FBXL13: variants seen among roughly 807,000 people sequenced by gnomAD.
FBXL13 encodes the protein F-box and leucine rich repeat protein 13.
Under a neutral mutation model 83.6 loss-of-function variants are expected in FBXL13, and 67 were observed. The observed-to-expected ratio is 0.80, with a 90% CI of 0.66 to 0.98. FBXL13 has a LOEUF of 0.98. Among genes scored for constraint, FBXL13 ranks in the 50% least tolerant of loss-of-function variants. The probability of loss-of-function intolerance (pLI) is 0.00; values close to 1 mark genes in which losing one functional copy is unlikely to be tolerated. For missense variants in FBXL13, 822 were observed against 866.5 expected (o/e 0.95, Z 0.64); for synonymous variants, 272 against 299.5 (o/e 0.91, Z 0.95).
At chr7:103,072,803 C>T (rs565418378) in intron 1 of FBXL13, among the ~76,000 whole-genome samples, 1 of 152,308 alleles carries the variant, frequency 6.6e-6, no homozygotes, top group South Asian at 2.1e-4. Context: ...GTATGATATC[C>T]TTTTCTCATT....
intron 11 of FBXL13, among the ~76,000 whole-genome samples, chr7:102,912,675 C>T (rs3735214): frequency 2.3e-5 from 3 of 130,422 alleles, no homozygotes; most frequent in East Asian, 5.1e-4. Context: ...CATTTTACCC[C>T]CCCCCCCCCA....
chr7:103,060,514 C>G (rs1797802724), intron 1 of FBXL13, among the ~76,000 whole-genome samples: 1 of 152,104 alleles, frequency 6.6e-6, no homozygotes, highest in Non-Finnish European at 1.5e-5. Context: ...TTAAACCACA[C>G]CTAATAGAAG....
chr7:102,962,889 G>A (rs1251866548), intron 8 of FBXL13, among the ~76,000 whole-genome samples: 3 of 150,740 alleles, frequency 2.0e-5, no homozygotes, highest in Non-Finnish European at 4.4e-5. Flanking sequence ...GCTAGATGAC[G>A]AGTTAGTGGG....
intron 11 of FBXL13, among the ~76,000 whole-genome samples, chr7:102,893,767 CAAA>C (rs1300370815): frequency 4.2e-5 from 2 of 47,954 alleles, no homozygotes; most frequent in Admixed American, 2.3e-4. Flanking sequence ...GACTCTGTCT[CAAA>C]AAAAAAAAAA....
chr7:103,057,822 G>T (rs1337517610), intron 1 of FBXL13, among the ~76,000 whole-genome samples: 1 of 152,160 alleles, frequency 6.6e-6, no homozygotes, highest in Non-Finnish European at 1.5e-5. Flanking sequence ...ACTTCCCACA[G>T]AAACCACCTG....
In FBXL13 at chr7:102,939,578, C is replaced by T. The variant is rs775367068; in HGVS notation, c.725-7645G>A. The T allele has an allele frequency of 3.7e-6, 6 of 1,612,664 alleles. No individual in the cohort carries two copies. The African/African-American group carries it at 5.3e-5, about 14-fold the overall frequency. On this transcript the variant is annotated intron_variant, in intron 8 of 19. Transcript: ENST00000313221. ...TCAGCAGCAATGGCATTGAATTCAT[C>T]GATCCTGGTAAGTTCCCCTGTATAG...
At chr7:102,971,594 C>CAAAA (rs11447254) in intron 6 of FBXL13, among the ~76,000 whole-genome samples, 1 of 115,056 alleles carries the variant, frequency 8.7e-6, no homozygotes. Flanking sequence ...AACTCCGTCT[C>CAAAA]AAAAAAAAAA....
intron 6 of FBXL13, among the ~76,000 whole-genome samples, chr7:103,010,236 A>G (rs1376717611): frequency 6.6e-6 from 1 of 151,972 alleles, no homozygotes. Context: ...TGCCTGCTAG[A>G]GCTTTCAGCC....
At chr7:102,872,439 A>G (rs1808647157) in intron 16 of FBXL13, among the ~76,000 whole-genome samples, 1 of 152,210 alleles carries the variant, frequency 6.6e-6, no homozygotes, top group African/African-American at 2.4e-5. Context: ...GGCGCTCAAG[A>G]TCTTGTACTC....
At chr7:102,907,004 G>A (rs977746685) in intron 11 of FBXL13, among the ~76,000 whole-genome samples, 3 of 151,564 alleles carry the variant, frequency 2.0e-5, no homozygotes, top group Admixed American at 6.6e-5. Flanking sequence ...ACTGAGTCTC[G>A]CTCTGTTGCC....
chr7:102,859,176 C>T (rs1806457132), intron 16 of FBXL13, among the ~76,000 whole-genome samples: 2 of 152,102 alleles, frequency 1.3e-5, no homozygotes, highest in Admixed American at 6.5e-5. Flanking sequence ...AGTAGCAAAA[C>T]GGGGAGCAAG....
At position 102,884,318 on chromosome 7, in the gene FBXL13, T is replaced by A; in HGVS notation, c.1009-6A>T. On this transcript the variant is annotated splice_region_variant and splice_polypyrimidine_tract_variant and intron_variant, in intron 11 of 19. Transcript: ENST00000313221. ...CTGAAGCCTTGGACTGAAATCTGAA[T>A]TGTACAGAGTAGAAAATAATGGGAG... 1 of 1,607,282 alleles carries A rather than the reference T, an allele frequency of 6.2e-7. No homozygotes were observed. Among genetic ancestry groups the A allele is most frequent in the South Asian group, 1.1e-5 (1 of 90,864 alleles).
chr7:102,963,569 C>T (rs1164659740), exon 8 of FBXL13: 16 of 1,612,440 alleles, frequency 9.9e-6, no homozygotes, highest in Non-Finnish European at 1.4e-5. Flanking sequence ...AGAAGACAAC[C>T]ACGAAAATTC....
At chr7:102,922,291 T>A (rs1406670200) in intron 10 of FBXL13, among the ~76,000 whole-genome samples, 1 of 152,042 alleles carries the variant, frequency 6.6e-6, no homozygotes, top group African/African-American at 2.4e-5. Flanking sequence ...ACAATACTTA[T>A]CAAGTTATAC....
rs1337788893 is a variant in FBXL13 at position 102,964,585 on chromosome 7, T to A, written c.592-920A>T. Among the ~76,000 whole-genome samples the A allele has an allele frequency of 2.6e-5, 4 of 151,824 alleles. No homozygotes were observed. The East Asian group carries it at 7.9e-4, about 30-fold the overall frequency. On this transcript the variant is annotated intron_variant, in intron 7 of 19. Coordinates refer to ENST00000313221, the Ensembl canonical transcript of FBXL13. The stretch of plus-strand genomic sequence containing the variant: ...GCCCGGCTAATTTTTGTATTTTTAG[T>A]AGAGACGAGGTTTCACCATTTTGGC...
intron 1 of FBXL13, among the ~76,000 whole-genome samples, chr7:103,066,485 G>A (rs574176869): frequency 5.9e-5 from 9 of 151,694 alleles, no homozygotes; most frequent in African/African-American, 1.9e-4. Context: ...TCTGCCTCCC[G>A]GGTTCACACC....
intron 18 of FBXL13, among the ~76,000 whole-genome samples, chr7:102,824,490 T>C (rs1799270474): frequency 6.6e-6 from 1 of 152,120 alleles, no homozygotes. Context: ...TTTTGCATCC[T>C]CTTTTTTTCT....
intron 18 of FBXL13, among the ~76,000 whole-genome samples, chr7:102,824,176 C>A (rs1799223803): frequency 6.6e-6 from 1 of 152,202 alleles, no homozygotes; most frequent in African/African-American, 2.4e-5. Context: ...ATGGAAACAA[C>A]TTTGCTGCAT....
intron 11 of FBXL13, among the ~76,000 whole-genome samples, chr7:102,896,837 G>C (rs1465449188): frequency 6.6e-6 from 1 of 152,084 alleles, no homozygotes; most frequent in Non-Finnish European, 1.5e-5. Flanking sequence ...CATATTCTGA[G>C]GTACTATTGG....
Sources: allele counts gnomAD v4.1 joint callset (sites outside exome capture counted in the v4.1 genomes callset), GRCh38; gene constraint gnomAD v4.1.1; transcripts MANE v1.5; gene names NCBI Gene and HGNC (gene_info 2026-07-23, HGNC 2026-07-21).